ADGRG5: variants seen among roughly 807,000 people sequenced by gnomAD.
ADGRG5 encodes G protein-coupled receptor 114.
Under a neutral mutation model 53.2 loss-of-function variants are expected in ADGRG5, and 37 were observed. The ratio of observed to expected loss-of-function variants is 0.70; its 90% CI spans 0.53 to 0.91. ADGRG5 has a LOEUF of 0.91. Among genes scored for constraint, ADGRG5 ranks in the 40% least tolerant of loss-of-function variants. The pLI, the probability that ADGRG5 is intolerant of heterozygous loss-of-function variation, is 0.00. For synonymous variants in ADGRG5, 277 were observed against 290.4 expected, an observed-to-expected ratio of 0.95 and a Z score of 0.47; for missense variants, 614 against 675.8, an observed-to-expected ratio of 0.91 and a Z score of 1.01.
intron 6 of ADGRG5, chr16:57,565,693 G>A (rs74019568): frequency 0.052 from 8,087 of 155,882 alleles, 707 homozygotes; most frequent in African/African-American, 0.18. Flanking sequence ...TGCCCAGGGG[G>A]ATGGAATGTG....
chr16:57,560,985 C>T (rs2032987394), intron 1 of ADGRG5, among the ~76,000 whole-genome samples: 1 of 152,110 alleles, frequency 6.6e-6, no homozygotes, highest in African/African-American at 2.4e-5. Context: ...TGCCATGTTG[C>T]CCAGGCTGGT....
At chr16:57,550,758 G>A (rs1175255651) in intron 1 of ADGRG5, among the ~76,000 whole-genome samples, 4 of 152,154 alleles carry the variant, frequency 2.6e-5, no homozygotes, top group South Asian at 4.1e-4. Flanking sequence ...GGCCAGGCAC[G>A]GTGGCTCATG....
Position 57,565,082 on chromosome 16 carries a change from C to A in ADGRG5, c.478C>A (p.Leu160Met), listed in dbSNP as rs758047307. 1.9e-6 allele frequency: 3 copies of A among 1,613,820 alleles called. No homozygotes were observed. Among genetic ancestry groups the A allele is most frequent in the South Asian group, 2.2e-5 (2 of 91,066 alleles). Reference protein sequence around the residue: ...LLNNYVLGAQLSHGHVNNLRD... With the variant: ...LLNNYVLGAQMSHGHVNNLRD... ...GAATAACTACGTCCTGGGGGCCCAGCTGAGTCATGGGCACGTGAACAACCT... is the reference window on the plus strand; with the variant it reads ...GAATAACTACGTCCTGGGGGCCCAGATGAGTCATGGGCACGTGAACAACCT... Residue 160 changes from leucine to methionine, a missense_variant, in exon 6 of 12, where the codon CTG (leucine) becomes ATG (methionine). Coordinates refer to ENST00000349457, the MANE Select transcript of ADGRG5 (RefSeq NM_001304376.3).
intron 1 of ADGRG5, among the ~76,000 whole-genome samples, chr16:57,549,780 C>G (rs1360396504): frequency 6.6e-6 from 1 of 152,178 alleles, no homozygotes; most frequent in African/African-American, 2.4e-5. Flanking sequence ...TTTGACTTTT[C>G]TAGATTCCAC....
At chr16:57,551,203 C>G (rs1337022291) in intron 1 of ADGRG5, among the ~76,000 whole-genome samples, 1 of 152,148 alleles carries the variant, frequency 6.6e-6, no homozygotes, top group Non-Finnish European at 1.5e-5. Context: ...GAAAGTCTTG[C>G]CTTGATGCTG....
At chr16:57,561,961 A>G in intron 1 of ADGRG5, 95 bp from the exon 2 acceptor site, 1 of 586,488 alleles carries the variant, frequency 1.7e-6, no homozygotes, top group Non-Finnish European at 2.9e-6. Flanking sequence ...TGAGTCAAAT[A>G]AGATGCTGCA....
intron 1 of ADGRG5, among the ~76,000 whole-genome samples, chr16:57,551,575 C>T (rs762578192): frequency 4.6e-5 from 7 of 152,204 alleles, no homozygotes; most frequent in Non-Finnish European, 8.8e-5. Flanking sequence ...AATTCAGTCA[C>T]ATCTTCAGGA....
intron 1 of ADGRG5, among the ~76,000 whole-genome samples, chr16:57,551,956 C>T (rs2032765898): frequency 6.6e-6 from 1 of 152,148 alleles, no homozygotes; most frequent in African/African-American, 2.4e-5. Context: ...CATTGATCTC[C>T]TTGTGCATCT....
At chr16:57,546,126 CTATT>C (rs1278716503) in intron 1 of ADGRG5, among the ~76,000 whole-genome samples, 1 of 151,774 alleles carries the variant, frequency 6.6e-6, no homozygotes, top group Non-Finnish European at 1.5e-5. Flanking sequence ...GTGTCTGGCT[CTATT>C]TATTTATTTT....
chr16:57,542,463 C>G (rs1234289752), upstream of ADGRG5: 1 of 152,372 alleles, frequency 6.6e-6, no homozygotes, highest in African/African-American at 2.4e-5. Context: ...AAAGGGTGAC[C>G]AGGGCATGAC....
chr16:57,539,451 C>T (rs530913705), upstream of ADGRG5, among the ~76,000 whole-genome samples: 710 of 47,712 alleles, frequency 0.015, 19 homozygotes, highest in South Asian at 0.2. Flanking sequence ...TTGCACTGTA[C>T]CCCTTTTTTT....
At chr16:57,538,908 A>G (rs1442990667), upstream of ADGRG5, among the ~76,000 whole-genome samples, 1 of 152,238 alleles carries the variant, frequency 6.6e-6, no homozygotes, top group Non-Finnish European at 1.5e-5. Flanking sequence ...GAAAATTTGT[A>G]TAACTTGCCA....
chr16:57,572,409 A>G (rs1239420226), intron 10 of ADGRG5, among the ~76,000 whole-genome samples: 1 of 152,188 alleles, frequency 6.6e-6, no homozygotes, highest in Non-Finnish European at 1.5e-5. Context: ...TGGGAGGTGG[A>G]GCTTGCAGTG....
intron 11 of ADGRG5, 59 bp from the exon 12 acceptor site, chr16:57,575,379 G>C (rs775001204): frequency 5.3e-6 from 8 of 1,501,232 alleles, no homozygotes; most frequent in African/African-American, 2.8e-5. Context: ...CAGCCAAGGA[G>C]ACCCTGGCCT....
At chr16:57,567,646 C>T in intron 8 of ADGRG5, 55 bp downstream of exon 8, 1 of 1,589,194 alleles carries the variant, frequency 6.3e-7, no homozygotes, top group South Asian at 1.1e-5. Flanking sequence ...ATCACGCTTC[C>T]TTGTGTCCCA....
intron 10 of ADGRG5, among the ~76,000 whole-genome samples, chr16:57,571,337 C>CT (rs2033351529): frequency 6.6e-6 from 1 of 152,096 alleles, no homozygotes; most frequent in South Asian, 2.1e-4. Context: ...AAACAGGCAG[C>CT]TTAAGAACTC....
Position 57,566,607 on chromosome 16 carries a change from C to T in ADGRG5, c.555C>T (p.Tyr185=), listed in dbSNP as rs1271854975. ...CCAGCATCTCCACCCAGGAAGGCTA[C>T]ACCCTGACCTGTGTCTTCTGGAAGG... ...SFWHNQSLEG[Y]TLTCVFWKEG... The change falls in exon 7 of 12, where the codon TAC becomes TAT. Residue 185 remains tyrosine, a synonymous_variant. Transcript: ENST00000349457. The T allele has an allele frequency of 3.3e-6, 5 of 1,528,286 alleles. 1 individual carries two copies. In the South Asian group the frequency reaches 5.1e-5, roughly 16 times the overall value. The allele number at this position is 1,528,286 out of a possible 1,614,324, so 94.7% of individuals were successfully genotyped here. A position where few individuals can be genotyped will look rare whatever the true frequency, so the allele number is the denominator to read the frequency against.
chr16:57,550,135 C>G (rs1007959274), intron 1 of ADGRG5, among the ~76,000 whole-genome samples: 1 of 152,168 alleles, frequency 6.6e-6, no homozygotes, highest in Non-Finnish European at 1.5e-5. Context: ...TGCTACCACA[C>G]CTGGCTAATT....
At position 57,564,989 on chromosome 16, in the gene ADGRG5, T is replaced by C. The variant is rs2033096987; in HGVS notation, c.430-45T>C. The C allele has an allele frequency of 4.3e-6, 5 of 1,166,780 alleles. No individual in the cohort carries two copies. In the East Asian group the frequency reaches 1.2e-4, roughly 27 times the overall value. 72.3% of individuals were successfully genotyped at this position (1,166,780 alleles called of 1,614,324 possible). A position where few individuals can be genotyped will look rare whatever the true frequency, so the allele number is the denominator to read the frequency against. On this transcript the variant is annotated intron_variant, in intron 5 of 11. Coordinates refer to ENST00000349457, the MANE Select transcript of ADGRG5 (RefSeq NM_001304376.3). ...CGGAGCTCAGACCTTACCCAGGGCCTCCCCATTTCCCCTCCACTCAGCCCT... is the reference window on the plus strand; with the variant it reads ...CGGAGCTCAGACCTTACCCAGGGCCCCCCCATTTCCCCTCCACTCAGCCCT...
Sources: allele counts gnomAD v4.1 joint callset (sites outside exome capture counted in the v4.1 genomes callset), GRCh38; gene constraint gnomAD v4.1.1; transcripts MANE v1.5; gene names NCBI Gene and HGNC (gene_info 2026-07-23, HGNC 2026-07-21).